Variants in COMMD1 observed in about 807,000 individuals in gnomAD.
COMMD1 encodes copper metabolism domain containing 1.
COMMD1 carries 10 observed loss-of-function variants against 17.2 expected under a neutral mutation model. That is an observed-to-expected ratio of 0.58 (90% CI 0.36 to 0.99). COMMD1 has a LOEUF of 0.99. COMMD1 is among the 50% of genes least tolerant of loss of function. COMMD1 has a pLI of 0.01. For synonymous variants in COMMD1, 97 were observed against 91.6 expected (o/e 1.06, Z -0.34); for missense variants, 270 against 231.8 (o/e 1.17, Z -1.07).
At chr2:61,981,733 A>G (rs1347456576) in intron 1 of COMMD1, among the ~76,000 whole-genome samples, 2 of 152,182 alleles carry the variant, frequency 1.3e-5, no homozygotes, top group Non-Finnish European at 2.9e-5. Context: ...TTATAAAACC[A>G]TCAGATCTTA....
intron 2 of COMMD1, among the ~76,000 whole-genome samples, chr2:62,103,901 C>G (rs1329465175): frequency 1.3e-5 from 2 of 152,034 alleles, no homozygotes; most frequent in African/African-American, 4.8e-5. Context: ...AGTGCAGTGG[C>G]ATGATCTCGG....
intron 2 of COMMD1, among the ~76,000 whole-genome samples, chr2:62,122,444 C>CTTTTTTTTT (rs372131423): frequency 3.2e-5 from 4 of 126,898 alleles, no homozygotes; most frequent in Non-Finnish European, 3.5e-5. Context: ...TCTTTCTTTT[C>CTTTTTTTTT]TTTTTTTTTT....
At chr2:62,123,229 G>T (rs1672795089) in intron 2 of COMMD1, among the ~76,000 whole-genome samples, 1 of 152,170 alleles carries the variant, frequency 6.6e-6, no homozygotes, top group Admixed American at 6.5e-5. Flanking sequence ...GCATGGGCCA[G>T]GCACGGTGGC....
chr2:62,041,842 G>C (rs1049524852), intron 2 of COMMD1, among the ~76,000 whole-genome samples: 2 of 152,192 alleles, frequency 1.3e-5, no homozygotes, highest in African/African-American at 4.8e-5. Context: ...CAGGAGTCAA[G>C]CTGCAGACTT....
intron 2 of COMMD1, among the ~76,000 whole-genome samples, chr2:62,032,133 C>G (rs1368463265): frequency 6.6e-6 from 1 of 152,112 alleles, no homozygotes; most frequent in African/African-American, 2.4e-5. Flanking sequence ...AGAAAAGACT[C>G]AGAATATGCT....
chr2:62,082,160 A>G (rs577432005), intron 2 of COMMD1, among the ~76,000 whole-genome samples: 1 of 152,320 alleles, frequency 6.6e-6, no homozygotes, highest in Admixed American at 6.5e-5. Context: ...ACCAAATTAC[A>G]AAAGCTTGTA....
At chr2:61,968,485 G>A (rs981517991) in intron 1 of COMMD1, among the ~76,000 whole-genome samples, 3 of 151,300 alleles carry the variant, frequency 2.0e-5, no homozygotes, top group Non-Finnish European at 4.4e-5. Context: ...TACTGAAGGT[G>A]AAAAGAAAGG....
intron 2 of COMMD1, among the ~76,000 whole-genome samples, chr2:62,024,744 T>G (rs1398933136): frequency 6.6e-6 from 1 of 152,214 alleles, no homozygotes; most frequent in Non-Finnish European, 1.5e-5. Flanking sequence ...TTATAAGATT[T>G]TTTTTCTATA....
At chr2:62,067,682 A>T (rs946865837) in intron 2 of COMMD1, among the ~76,000 whole-genome samples, 1 of 152,200 alleles carries the variant, frequency 6.6e-6, no homozygotes, top group African/African-American at 2.4e-5. Flanking sequence ...ATATGATCCT[A>T]TGGTAATAAA....
intron 1 of COMMD1, among the ~76,000 whole-genome samples, chr2:61,933,217 C>G (rs1279537789): frequency 6.6e-6 from 1 of 151,770 alleles, no homozygotes; most frequent in Non-Finnish European, 1.5e-5. Context: ...GCTTGCCACT[C>G]AGCTGCTTGT....
At chr2:62,081,439 C>T (rs968369172) in intron 2 of COMMD1, among the ~76,000 whole-genome samples, 7 of 53,620 alleles carry the variant, frequency 1.3e-4, no homozygotes, top group Non-Finnish European at 1.9e-4. Flanking sequence ...TTAGTAGAGA[C>T]GGGGTTTCTC....
At chr2:61,954,068 AT>A (rs1179294253) in intron 1 of COMMD1, among the ~76,000 whole-genome samples, 2 of 152,042 alleles carry the variant, frequency 1.3e-5, no homozygotes, top group African/African-American at 2.4e-5. Context: ...AAATAAAAAA[AT>A]TAGCTGGCAG....
intron 1 of COMMD1, among the ~76,000 whole-genome samples, chr2:61,893,008 T>C (rs565823957): frequency 3.3e-5 from 5 of 151,792 alleles, no homozygotes; most frequent in Non-Finnish European, 7.4e-5. Flanking sequence ...GCTGGGACTA[T>C]AGGCATGCGC....
chr2:61,946,314 A>T (rs984548837), intron 1 of COMMD1, among the ~76,000 whole-genome samples: 1 of 152,188 alleles, frequency 6.6e-6, no homozygotes, highest in Non-Finnish European at 1.5e-5. Context: ...CCTCTGGAAA[A>T]ATCTCAGTTT....
chr2:62,057,353 T>C (rs1404801823), intron 2 of COMMD1, among the ~76,000 whole-genome samples: 1 of 152,160 alleles, frequency 6.6e-6, no homozygotes, highest in Non-Finnish European at 1.5e-5. Flanking sequence ...TATCTGTGTG[T>C]GTGTGATGTT....
At chr2:62,022,582 A>G (rs907697492) in intron 2 of COMMD1, among the ~76,000 whole-genome samples, 3 of 147,502 alleles carry the variant, frequency 2.0e-5, no homozygotes, top group Non-Finnish European at 3.0e-5. Context: ...TTTTAATTCT[A>G]GTTTCACCAT....
At position 61,928,599 on chromosome 2, in the gene COMMD1, C is replaced by T. The variant is rs77709815; in HGVS notation, c.180+22741C>T. ...GGACATGCTACCCCAAAATGTTGTA[C>T]CTTGACATATTTTTTTTATTTTTAA... On this transcript the variant is annotated intron_variant, in intron 1 of 2. Transcript: ENST00000311832. 16 of 152,196 alleles carry T rather than the reference C, an allele frequency of 1.1e-4. No homozygotes were observed. The East Asian group carries it at 2.7e-3, about 26-fold the overall frequency. The allele number at this position is 152,196 out of a possible 1,614,324, so 9.4% of individuals were successfully genotyped here. A position where few individuals can be genotyped will look rare whatever the true frequency, so the allele number is the denominator to read the frequency against.
rs1311827625 is a variant in COMMD1, at chr2:61,979,928, G to A, written c.181-20773G>A. ...CCGACCCCACCACAGTCCCCAGAGT[G>A]TGATATTCCCCTTCCTGTGTCCATG... On this transcript the variant is annotated intron_variant, in intron 1 of 2. Coordinates refer to ENST00000311832, the MANE Select transcript of COMMD1 (RefSeq NM_152516.4). 3.1e-3 allele frequency among the ~76,000 whole-genome samples: 345 copies of A among 110,288 alleles called. 1 individual carries two copies. Among genetic ancestry groups the A allele is most frequent in the Non-Finnish European group, 5.2e-3 (282 of 54,170 alleles). The allele number at this position is 110,288 out of a possible 152,430, so 72.4% of individuals were successfully genotyped here. A position where few individuals can be genotyped will look rare whatever the true frequency, so the allele number is the denominator to read the frequency against.
At chr2:61,890,551 G>A (rs967966237) in intron 1 of COMMD1, among the ~76,000 whole-genome samples, 2 of 151,996 alleles carry the variant, frequency 1.3e-5, no homozygotes, top group African/African-American at 4.8e-5. Flanking sequence ...TAGCATATTA[G>A]CACTAGGGGC....
Sources: gnomAD v4.1 joint callset for allele counts (sites outside exome capture counted in the v4.1 genomes callset) on GRCh38, gnomAD v4.1.1 for gene constraint, MANE v1.5 for transcripts, NCBI Gene and HGNC (gene_info 2026-07-23, HGNC 2026-07-21) for gene names.